DMD: variants seen among roughly 807,000 people sequenced by gnomAD.
DMD encodes the protein dystrophin.
DMD carries 63 observed loss-of-function variants against 330.1 expected under a neutral mutation model. The observed-to-expected ratio is 0.19, with a 90% CI of 0.16 to 0.24. The LOEUF (loss-of-function observed/expected upper bound fraction) is 0.24. Among genes scored for constraint, DMD ranks in the 10% least tolerant of loss-of-function variants. The pLI, the probability that DMD is intolerant of heterozygous loss-of-function variation, is 1.00. For synonymous variants in DMD, 1,223 were observed against 959.8 expected, an observed-to-expected ratio of 1.27 and a Z score of -5.07; for missense variants, 3,344 against 2,684.1, an observed-to-expected ratio of 1.25 and a Z score of -5.43.
chrX:31,353,423 T>C (rs6631300), intron 60 of DMD, among the ~76,000 whole-genome samples: 5 of 111,729 alleles, frequency 4.5e-5, no homozygotes, highest in African/African-American at 1.3e-4. Flanking sequence ...AAAGAGGCTG[T>C]TGTAACTTAC....
intron 44 of DMD, among the ~76,000 whole-genome samples, chrX:32,153,512 C>CA (rs111983967): frequency 0.11 from 10,836 of 101,915 alleles, 657 homozygotes; most frequent in African/African-American, 0.22. Context: ...AGAAATAAAG[C>CA]AAAAAAAAAA....
intron 62 of DMD, among the ~76,000 whole-genome samples, chrX:31,284,611 T>TCTTC (rs2053015381): frequency 3.1e-5 from 1 of 31,758 alleles, no homozygotes; most frequent in African/African-American, 8.7e-5. Context: ...TCTTCTTTTT[T>TCTTC]TTGGCAGAGG....
At chrX:32,332,513 C>T (rs992762080) in intron 41 of DMD, among the ~76,000 whole-genome samples, 2 of 107,025 alleles carry the variant, frequency 1.9e-5, no homozygotes, top group African/African-American at 3.4e-5. Flanking sequence ...AAGGCAGAAA[C>T]GAAAAGAGCC....
At chrX:32,752,916 T>C (rs994894387) in intron 7 of DMD, among the ~76,000 whole-genome samples, 14 of 111,134 alleles carry the variant, frequency 1.3e-4, no homozygotes, top group African/African-American at 4.6e-4. Flanking sequence ...TCCACCATGA[T>C]TGTGAGGCTT....
At chrX:32,136,479 C>T (rs189531676) in intron 44 of DMD, among the ~76,000 whole-genome samples, 51 of 111,776 alleles carry the variant, frequency 4.6e-4, no homozygotes, top group East Asian at 3.9e-3. Flanking sequence ...TCCTGGCAGC[C>T]GAAGTCAATC....
intron 2 of DMD, among the ~76,000 whole-genome samples, chrX:32,927,817 C>CA (rs2089203701): frequency 9.0e-6 from 1 of 110,686 alleles, no homozygotes; most frequent in African/African-American, 3.3e-5. Context: ...TTCAAGGTAG[C>CA]ATGGTGCACA....
intron 7 of DMD, among the ~76,000 whole-genome samples, chrX:32,753,177 A>G (rs1279437048): frequency 9.0e-6 from 1 of 111,480 alleles, no homozygotes; most frequent in Non-Finnish European, 1.9e-5. Context: ...TTCATTTCTT[A>G]TTCCTCCAGA....
chrX:31,795,043 A>T (rs1210922661), intron 50 of DMD, among the ~76,000 whole-genome samples: 1 of 111,968 alleles, frequency 8.9e-6, no homozygotes, highest in Non-Finnish European at 1.9e-5. Context: ...AATGGAGTGA[A>T]TATTGTTGGT....
chrX:33,123,425 G>GTT (rs370671734), intron 1 of DMD, among the ~76,000 whole-genome samples: 4 of 108,619 alleles, frequency 3.7e-5, no homozygotes, highest in African/African-American at 1.3e-4. Flanking sequence ...ACTTTCTTTT[G>GTT]TTTTTTTTTG....
At chrX:32,737,037 CATAA>C (rs1374639672) in intron 7 of DMD, among the ~76,000 whole-genome samples, 1 of 110,645 alleles carries the variant, frequency 9.0e-6, no homozygotes, top group East Asian at 2.8e-4. Flanking sequence ...ATATCATGCT[CATAA>C]ATAGAGTAAG....
intron 9 of DMD, among the ~76,000 whole-genome samples, chrX:32,672,567 T>C (rs969070309): frequency 9.0e-6 from 1 of 110,757 alleles, no homozygotes; most frequent in East Asian, 2.8e-4. Context: ...CCTGATTGCT[T>C]TAAATAAATC....
intron 42 of DMD, among the ~76,000 whole-genome samples, chrX:32,293,554 T>C (rs1285870274): frequency 1.8e-5 from 2 of 111,820 alleles, no homozygotes; most frequent in African/African-American, 6.5e-5. Context: ...GTGGAAAACA[T>C]AAATGTAGGC....
At chrX:31,852,984 A>T (rs2093556199) in intron 48 of DMD, among the ~76,000 whole-genome samples, 1 of 112,304 alleles carries the variant, frequency 8.9e-6, no homozygotes, top group African/African-American at 3.2e-5. Context: ...CCCCAGCTCA[A>T]GCGGTTCTTG....
At chrX:31,169,332 T>C (rs1280427415) in intron 74 of DMD, 111 bp downstream of exon 74, 2 of 584,772 alleles carry the variant, frequency 3.4e-6, no homozygotes, top group African/African-American at 2.3e-5. Context: ...CAGATTATTT[T>C]AGAAAACAAT....
intron 47 of DMD, among the ~76,000 whole-genome samples, chrX:31,905,647 TG>T (rs1343349334): frequency 1.9e-5 from 2 of 104,735 alleles, no homozygotes; most frequent in Non-Finnish European, 3.9e-5. Flanking sequence ...AGAGACGAGA[TG>T]GGGAAAAGAG....
intron 41 of DMD, among the ~76,000 whole-genome samples, chrX:32,341,145 C>A (rs1360820423): frequency 9.0e-6 from 1 of 111,652 alleles, no homozygotes; most frequent in Non-Finnish European, 1.9e-5. Flanking sequence ...ATGGGCTGAA[C>A]CCTATGCAGT....
At chrX:31,913,696 A>G (rs778874090) in intron 47 of DMD, among the ~76,000 whole-genome samples, 1 of 111,126 alleles carries the variant, frequency 9.0e-6, no homozygotes, top group Non-Finnish European at 1.9e-5. Flanking sequence ...CAAGGTCAGC[A>G]TCCATTCCAG....
chrX:32,256,312 GTTTT>G (rs34367828), intron 43 of DMD, among the ~76,000 whole-genome samples: 4 of 102,420 alleles, frequency 3.9e-5, no homozygotes, highest in African/African-American at 1.4e-4. Context: ...TGTAACCCCT[GTTTT>G]TTTTTTTATT....
intron 7 of DMD, among the ~76,000 whole-genome samples, chrX:32,732,217 G>T (rs757147369): frequency 1.1e-4 from 12 of 110,413 alleles, no homozygotes; most frequent in Non-Finnish European, 1.9e-4. Flanking sequence ...AGAGGAAAAA[G>T]AATAAAAAGA....
Sources: allele counts gnomAD v4.1 joint callset (sites outside exome capture counted in the v4.1 genomes callset), GRCh38; gene constraint gnomAD v4.1.1; transcripts MANE v1.5; gene names NCBI Gene and HGNC (gene_info 2026-07-23, HGNC 2026-07-21).